The following SLCO1B3 variants were observed in gnomAD, a reference collection of about 807,000 sequenced individuals.
SLCO1B3 encodes liver-specific organic anion transporter 2.
In SLCO1B3, 72 loss-of-function variants were observed where a neutral mutation model predicts 71.8. That is an observed-to-expected ratio of 1.00 (90% CI 0.83 to 1.22). The LOEUF (loss-of-function observed/expected upper bound fraction) is 1.22, where lower values mean the gene tolerates loss of function less well. SLCO1B3 is among the 50% of genes most tolerant of loss of function. SLCO1B3 has a pLI of 0.00. For synonymous variants in SLCO1B3, 298 were observed against 278.4 expected, an observed-to-expected ratio of 1.07 and a Z score of -0.70; for missense variants, 911 against 819.7, an observed-to-expected ratio of 1.11 and a Z score of -1.36.
At chr12:20,811,555 T>G (rs1396692864) in intron 1 of SLCO1B3, among the ~76,000 whole-genome samples, 1 of 152,196 alleles carries the variant, frequency 6.6e-6, no homozygotes, top group South Asian at 2.1e-4. Flanking sequence ...TGGCCTGCAC[T>G]GGTTTTCTAT....
At chr12:20,849,416 G>A (rs755535275) in intron 3 of SLCO1B3, among the ~76,000 whole-genome samples, 11 of 151,846 alleles carry the variant, frequency 7.2e-5, no homozygotes, top group Admixed American at 2.0e-4. Context: ...CATGATAAGG[G>A]CATTTATGAA....
chr12:20,834,234 A>G (rs973456703), intron 3 of SLCO1B3, among the ~76,000 whole-genome samples: 2 of 146,058 alleles, frequency 1.4e-5, no homozygotes, highest in Admixed American at 7.0e-5. Context: ...AAGTGTGTAT[A>G]TATAGTAAAC....
intron 13 of SLCO1B3, among the ~76,000 whole-genome samples, chr12:20,886,780 C>T (rs1251427007): frequency 6.6e-6 from 1 of 151,862 alleles, no homozygotes; most frequent in Non-Finnish European, 1.5e-5. Context: ...TTATATTGTG[C>T]AGTGGTAAAG....
chr12:20,880,416 C>A (rs1340476119), intron 11 of SLCO1B3, among the ~76,000 whole-genome samples: 2 of 151,530 alleles, frequency 1.3e-5, no homozygotes, highest in Non-Finnish European at 3.0e-5. Context: ...TGCATAGATT[C>A]AGAGGATTTT....
intron 13 of SLCO1B3, among the ~76,000 whole-genome samples, chr12:20,895,511 C>T (rs1865987355): frequency 6.6e-6 from 1 of 152,204 alleles, no homozygotes; most frequent in African/African-American, 2.4e-5. Flanking sequence ...AAAATGATCT[C>T]CTTTGACTCC....
chr12:20,860,938 A>G, intron 5 of SLCO1B3, 79 bp from the exon 6 acceptor site: 19 of 1,397,840 alleles, frequency 1.4e-5, no homozygotes, highest in East Asian at 4.9e-5. Flanking sequence ...AATAAAGGAG[A>G]AAATTTCTCT....
intron 15 of SLCO1B3, among the ~76,000 whole-genome samples, chr12:20,913,894 G>A (rs940357976): frequency 6.6e-6 from 1 of 152,122 alleles, no homozygotes; most frequent in Admixed American, 6.6e-5. Flanking sequence ...TGGGAACACA[G>A]GCATGAACTA....
chr12:20,869,160 G>T (rs562423408), intron 8 of SLCO1B3, among the ~76,000 whole-genome samples: 1 of 152,072 alleles, frequency 6.6e-6, no homozygotes, highest in Non-Finnish European at 1.5e-5. Flanking sequence ...TCCCTTTCCC[G>T]GTCTGCTAAG....
intron 13 of SLCO1B3, among the ~76,000 whole-genome samples, chr12:20,888,591 GA>G (rs1367153115): frequency 6.6e-6 from 1 of 151,994 alleles, no homozygotes; most frequent in Non-Finnish European, 1.5e-5. Context: ...GCTTTCAGAG[GA>G]GTTTTTAGGG....
chr12:20,850,678 C>T (rs911584478), intron 3 of SLCO1B3, among the ~76,000 whole-genome samples: 1 of 152,156 alleles, frequency 6.6e-6, no homozygotes, highest in Non-Finnish European at 1.5e-5. Flanking sequence ...CCTCAGGTAG[C>T]CACAATGTCT....
intron 13 of SLCO1B3, among the ~76,000 whole-genome samples, chr12:20,893,702 G>A (rs1236945692): frequency 1.3e-5 from 2 of 152,094 alleles, no homozygotes; most frequent in African/African-American, 4.8e-5. Flanking sequence ...GAGTTTCCCT[G>A]GGAAAAATGA....
intron 13 of SLCO1B3, among the ~76,000 whole-genome samples, chr12:20,889,932 TTTGG>T (rs1865870744): frequency 3.3e-5 from 5 of 151,984 alleles, no homozygotes; most frequent in Admixed American, 3.3e-4. Context: ...TTTTTTTGTT[TTTGG>T]GGACAGAATC....
chr12:20,861,270 C>CA (rs766326607), intron 6 of SLCO1B3, 132 bp downstream of exon 6: 19 of 746,064 alleles, frequency 2.5e-5, no homozygotes, highest in Non-Finnish European at 3.9e-5. Context: ...TACATACAGA[C>CA]AAAATCATAC....
intron 5 of SLCO1B3, 97 bp downstream of exon 5, chr12:20,858,668 G>A: frequency 8.8e-7 from 1 of 1,140,436 alleles, no homozygotes; most frequent in African/African-American, 1.5e-5. Flanking sequence ...GTTACCTTTT[G>A]AGAGGAATAC....
intron 8 of SLCO1B3, among the ~76,000 whole-genome samples, chr12:20,866,021 T>C (rs891391593): frequency 1.1e-4 from 17 of 152,116 alleles, no homozygotes; most frequent in Non-Finnish European, 1.9e-4. Flanking sequence ...TTCATCACTC[T>C]CCAGTAAGTG....
rs569901593 is a variant in SLCO1B3, at chr12:20,894,994, G to A, written c.1683-3442G>A. ...TTACATGGGTGGCAGCAGGCAAAGGGAGCTTGTGCAGGAAAAGTACGCATT... is the reference window on the plus strand; with the variant it reads ...TTACATGGGTGGCAGCAGGCAAAGGAAGCTTGTGCAGGAAAAGTACGCATT... On this transcript the variant is annotated intron_variant, in intron 13 of 15. Coordinates refer to ENST00000381545, the MANE Select transcript of SLCO1B3 (RefSeq NM_019844.4). Among the ~76,000 whole-genome samples the A allele has an allele frequency of 1.2e-4, 19 of 152,290 alleles. No homozygotes were observed. The South Asian group carries it at 3.9e-3, about 32-fold the overall frequency.
At chr12:20,839,251 G>T (rs1177952990) in intron 3 of SLCO1B3, among the ~76,000 whole-genome samples, 1 of 151,672 alleles carries the variant, frequency 6.6e-6, no homozygotes, top group African/African-American at 2.4e-5. Flanking sequence ...CTTATTTTCT[G>T]CAGTGTCTCT....
intron 5 of SLCO1B3, 62 bp from the exon 6 acceptor site, chr12:20,860,955 C>A: frequency 6.8e-7 from 1 of 1,465,724 alleles, no homozygotes. Flanking sequence ...CTCTGTATTT[C>A]TGGGAAAACT....
chr12:20,839,598 T>C (rs1864755204), intron 3 of SLCO1B3, among the ~76,000 whole-genome samples: 2 of 152,226 alleles, frequency 1.3e-5, no homozygotes, highest in South Asian at 2.1e-4. Context: ...TTTCCCCTTG[T>C]CTTTGATTTT....
Sources: gnomAD v4.1 joint callset for allele counts (sites outside exome capture counted in the v4.1 genomes callset) on GRCh38, gnomAD v4.1.1 for gene constraint, MANE v1.5 for transcripts, NCBI Gene and HGNC (gene_info 2026-07-23, HGNC 2026-07-21) for gene names.